TUSC3: variants seen among roughly 807,000 people sequenced by gnomAD.
The protein encoded by TUSC3 is dolichyl-diphosphooligosaccharide--protein glycosyltransferase subunit TUSC3.
A neutral mutation model predicts 44.8 loss-of-function variants in TUSC3; 45 were observed. The observed-to-expected ratio is 1.00, with a 90% CI of 0.79 to 1.29. The LOEUF (loss-of-function observed/expected upper bound fraction) is 1.29, where lower values mean the gene tolerates loss of function less well. Among genes scored for constraint, TUSC3 ranks in the 50% most tolerant of loss-of-function variants. TUSC3 has a pLI of 0.00. For synonymous variants in TUSC3, 212 were observed against 152.9 expected (o/e 1.39, Z -2.85); for missense variants, 519 against 437.9 (o/e 1.19, Z -1.65).
chr8:15,763,688 T>C (rs1201710309), intron 10 of TUSC3, among the ~76,000 whole-genome samples: 6 of 152,124 alleles, frequency 3.9e-5, no homozygotes, highest in Admixed American at 6.6e-5. Context: ...CTTTTATATG[T>C]ACAAGTATCT....
chr8:15,803,130 T>C, the TUSC3 span, among the ~76,000 whole-genome samples: 1 of 152,196 alleles, frequency 6.6e-6, no homozygotes, highest in Non-Finnish European at 1.5e-5. Flanking sequence ...ATGTTGGTCA[T>C]CATAACCAGT....
chr8:15,541,477 A>G (rs1801691171), intron 1 of TUSC3, among the ~76,000 whole-genome samples: 1 of 152,248 alleles, frequency 6.6e-6, no homozygotes, highest in African/African-American at 2.4e-5. Context: ...ACAGGGCTCA[A>G]AATCTGAATT....
At chr8:15,446,337 A>C (rs1800097435) in intron 1 of TUSC3, among the ~76,000 whole-genome samples, 1 of 151,930 alleles carries the variant, frequency 6.6e-6, no homozygotes, top group African/African-American at 2.4e-5. Context: ...GCGGCCGGGC[A>C]GAGGCTGCAA....
chr8:15,629,140 G>A (rs1364348739), intron 2 of TUSC3, among the ~76,000 whole-genome samples: 3 of 152,214 alleles, frequency 2.0e-5, no homozygotes, highest in Admixed American at 1.3e-4. Context: ...TGAACTGTGA[G>A]ACTGTGGTAA....
At position 15,486,145 on chromosome 8, in the gene TUSC3, C is replaced by G. The variant is rs1644312529; in HGVS notation, n.189+2662C>G. 2.0e-5 allele frequency among the ~76,000 whole-genome samples: 3 copies of G among 152,106 alleles called. No individual in the cohort carries two copies. The South Asian group carries it at 6.2e-4, about 32-fold the overall frequency. ...TAACAGATGCACAGTGACCAATTAGCTACAGACTTTGAAAGAAGTGACGTG... is the reference window on the plus strand; with the variant it reads ...TAACAGATGCACAGTGACCAATTAGGTACAGACTTTGAAAGAAGTGACGTG... On this transcript the variant is annotated intron_variant and non_coding_transcript_variant, in intron 2 of 5. Coordinates refer to the TUSC3 transcript ENST00000503191.
intron 2 of TUSC3, among the ~76,000 whole-genome samples, chr8:15,534,569 G>A (rs1801496051): frequency 6.6e-6 from 1 of 151,800 alleles, no homozygotes; most frequent in Non-Finnish European, 1.5e-5. Context: ...CATGAACCTG[G>A]GAGGCGGAGC....
chr8:15,470,245 A>G (rs1207161437), intron 1 of TUSC3, among the ~76,000 whole-genome samples: 1 of 149,032 alleles, frequency 6.7e-6, no homozygotes, highest in Non-Finnish European at 1.5e-5. Flanking sequence ...GGCAACAGAG[A>G]AAGACCCTGT....
chr8:15,562,965 G>A (rs978511312), intron 1 of TUSC3, among the ~76,000 whole-genome samples: 1 of 151,818 alleles, frequency 6.6e-6, no homozygotes, highest in South Asian at 2.1e-4. Context: ...TGGGAGCGCT[G>A]TTCTGCTATA....
chr8:15,517,204 A>G (rs919253039), intron 2 of TUSC3, among the ~76,000 whole-genome samples: 4 of 152,162 alleles, frequency 2.6e-5, no homozygotes, highest in African/African-American at 7.2e-5. Context: ...TCTTAGCCCA[A>G]TTTTTAAAAA....
At chr8:15,613,064 G>GATATATATATATATATATAT (rs34594440) in intron 1 of TUSC3, among the ~76,000 whole-genome samples, 117 of 144,544 alleles carry the variant, frequency 8.1e-4, no homozygotes, top group African/African-American at 2.8e-3. Flanking sequence ...TTATATATAT[G>GATATATATATATATATATAT]ATATATATAT....
At chr8:15,626,237 C>T (rs768206146) in intron 2 of TUSC3, among the ~76,000 whole-genome samples, 4 of 152,188 alleles carry the variant, frequency 2.6e-5, no homozygotes, top group Non-Finnish European at 5.9e-5. Flanking sequence ...CTGTCACCTG[C>T]CACTTCTACG....
At chr8:15,678,569 T>G (rs7844322) in intron 6 of TUSC3, among the ~76,000 whole-genome samples, 33,652 of 152,150 alleles carry the variant, frequency 0.22, 4,431 homozygotes, top group Non-Finnish European at 0.3. Context: ...TCCTTCAGAA[T>G]AAAGTAGAAA....
chr8:15,601,892 C>T lies in TUSC3; in HGVS notation c.139-21188C>T, dbSNP rs1804299768. ...TGTACATATTATATAAGAATATATT[C>T]ATATAATATTGTGGTTATTTATGTA... On this transcript the variant is annotated intron_variant, in intron 1 of 10. Coordinates refer to ENST00000503731, the MANE Select transcript of TUSC3 (RefSeq NM_006765.4). Among the ~76,000 whole-genome samples, 9 of 142,554 alleles carry T rather than the reference C, an allele frequency of 6.3e-5. No individual in the cohort carries two copies. In the Admixed American group the frequency reaches 6.5e-4, roughly 10 times the overall value. 93.5% of individuals were successfully genotyped at this position (142,554 alleles called of 152,430 possible). A position where few individuals can be genotyped will look rare whatever the true frequency, so the allele number is the denominator to read the frequency against.
At chr8:15,806,781 C>G in the TUSC3 span, 4 of 808,594 alleles carry the variant, frequency 4.9e-6, no homozygotes, top group African/African-American at 5.1e-5. Context: ...TGAATTCATT[C>G]TTTTTCTAGC....
At chr8:15,744,881 G>A (rs894371294) in intron 8 of TUSC3, among the ~76,000 whole-genome samples, 1 of 151,988 alleles carries the variant, frequency 6.6e-6, no homozygotes, top group African/African-American at 2.4e-5. Flanking sequence ...CTGAGGTTTA[G>A]GTAAGGATCT....
At chr8:15,540,177 C>G (rs775641863), upstream of TUSC3, 5 of 454,188 alleles carry the variant, frequency 1.1e-5, no homozygotes, top group South Asian at 1.1e-4. Flanking sequence ...GCCGCGCCCC[C>G]GAAGCCTGGC....
At chr8:15,752,982 A>T (rs1003074136) in intron 9 of TUSC3, among the ~76,000 whole-genome samples, 5 of 152,038 alleles carry the variant, frequency 3.3e-5, no homozygotes, top group Non-Finnish European at 7.4e-5. Flanking sequence ...AATGAAACAA[A>T]AGGAAATCTA....
intron 1 of TUSC3, among the ~76,000 whole-genome samples, chr8:15,433,262 G>C (rs1457404787): frequency 6.6e-6 from 1 of 151,978 alleles, no homozygotes; most frequent in Non-Finnish European, 1.5e-5. Context: ...AAACAACATA[G>C]TTCACGTGTA....
intron 6 of TUSC3, among the ~76,000 whole-genome samples, chr8:15,696,035 C>T (rs1341909757): frequency 6.6e-6 from 1 of 152,134 alleles, no homozygotes; most frequent in Non-Finnish European, 1.5e-5. Context: ...GAAATTCAAG[C>T]CAGCTGTGGA....
Sources: gnomAD v4.1 joint callset for allele counts (sites outside exome capture counted in the v4.1 genomes callset) on GRCh38, gnomAD v4.1.1 for gene constraint, MANE v1.5 for transcripts, NCBI Gene and HGNC (gene_info 2026-07-23, HGNC 2026-07-21) for gene names.